The following ST6GAL1 variants were observed in gnomAD, a reference collection of about 807,000 sequenced individuals.
ST6GAL1 encodes beta-galactoside alpha-2,6-sialyltransferase 1.
ST6GAL1 carries 20 observed loss-of-function variants against 38.0 expected under a neutral mutation model. That is an observed-to-expected ratio of 0.53 (90% CI 0.37 to 0.77). ST6GAL1 has a LOEUF of 0.77. ST6GAL1 is among the 30% of genes least tolerant of loss of function. The probability of loss-of-function intolerance (pLI) is 0.00; values close to 1 mark genes in which losing one functional copy is unlikely to be tolerated. For missense variants in ST6GAL1, 432 were observed against 496.4 expected (o/e 0.87, Z 1.23); for synonymous variants, 196 against 188.2 (o/e 1.04, Z -0.34).
chr3:186,992,194 G>A (rs1716195494), intron 2 of ST6GAL1, among the ~76,000 whole-genome samples: 1 of 152,176 alleles, frequency 6.6e-6, no homozygotes, highest in Non-Finnish European at 1.5e-5. Context: ...GAGAGACCAG[G>A]TGGAGGGAAT....
intron 2 of ST6GAL1, chr3:186,996,440 G>C (rs2108549472): frequency 6.6e-6 from 1 of 152,314 alleles, no homozygotes; most frequent in East Asian, 1.9e-4. Context: ...AGTGTAGGTG[G>C]TTAGGAGTTG....
chr3:187,050,514 C>A (rs551987422), intron 4 of ST6GAL1, among the ~76,000 whole-genome samples: 93 of 141,952 alleles, frequency 6.6e-4, no homozygotes, highest in Non-Finnish European at 1.2e-3. Flanking sequence ...TACATTGTTT[C>A]TGACAATGGC....
intron 2 of ST6GAL1, among the ~76,000 whole-genome samples, chr3:187,033,385 GC>G (rs55985409): frequency 0.52 from 79,303 of 152,018 alleles, 24,278 homozygotes; most frequent in African/African-American, 0.86. Context: ...TTCTGCCTGG[GC>G]CGACAGAGAG....
At chr3:186,956,430 A>T (rs138294423) in intron 1 of ST6GAL1, among the ~76,000 whole-genome samples, 4 of 151,988 alleles carry the variant, frequency 2.6e-5, no homozygotes, top group Non-Finnish European at 5.9e-5. Flanking sequence ...GAACATGCTC[A>T]GTTTTAAGAC....
Position 187,042,718 on chromosome 3 carries a change from C to T in ST6GAL1, c.15C>T (p.Asn5=). ...ACATCTTCATTATGATTCACACCAA[C>T]CTGAAGAAAAAGTTCAGCTGCTGCG... MIHT[N]LKKKFSCCVL... The change falls in exon 4 of 8, where the codon AAC becomes AAT. Residue 5 remains asparagine (N), a synonymous_variant. Transcript: ENST00000169298. 1 of 1,610,872 alleles carries T rather than the reference C, an allele frequency of 6.2e-7. No homozygotes were observed. Among genetic ancestry groups the T allele is most frequent in the South Asian group, 1.1e-5 (1 of 90,612 alleles).
intron 4 of ST6GAL1, 60 bp from the exon 5 acceptor site, chr3:187,051,189 C>A: frequency 1.4e-6 from 2 of 1,450,628 alleles, no homozygotes; most frequent in Non-Finnish European, 1.9e-6. Context: ...TCTCGTCTTT[C>A]TCTTTTTCTG....
At chr3:187,074,074 C>T in intron 6 of ST6GAL1, 85 bp from the exon 7 acceptor site, 1 of 1,257,508 alleles carries the variant, frequency 8.0e-7, no homozygotes, top group South Asian at 1.7e-5. Context: ...TTCCCCTCCC[C>T]ATGTCCACTG....
Position 187,005,161 on chromosome 3 carries a change from C to T in ST6GAL1, c.-182-33581C>T, listed in dbSNP as rs1316019514. Among the ~76,000 whole-genome samples, 6 of 151,242 alleles carry T rather than the reference C, an allele frequency of 4.0e-5. No individual in the cohort carries two copies. In the South Asian group the frequency reaches 1.0e-3, roughly 26 times the overall value. On this transcript the variant is annotated intron_variant, in intron 2 of 7. Transcript: ENST00000169298. The stretch of plus-strand genomic sequence containing the variant: ...TTGTTTCAAAATCTAGGGATGTAGG[C>T]GTAAGTGGGGTATACACAAAACAGG...
chr3:186,964,603 AAGG>A (rs1262131820), intron 2 of ST6GAL1, among the ~76,000 whole-genome samples: 4 of 152,198 alleles, frequency 2.6e-5, no homozygotes, highest in African/African-American at 9.6e-5. Flanking sequence ...GGTGAGGCAG[AAGG>A]AGAACTTGTC....
chr3:187,044,040 C>T (rs1331116988), intron 4 of ST6GAL1, among the ~76,000 whole-genome samples: 1 of 152,100 alleles, frequency 6.6e-6, no homozygotes, highest in Admixed American at 6.5e-5. Context: ...TAAGTGTGTC[C>T]GTGCATTTTT....
intron 5 of ST6GAL1, 90 bp downstream of exon 5, chr3:187,051,436 C>A: frequency 8.3e-7 from 1 of 1,209,332 alleles, no homozygotes; most frequent in Non-Finnish European, 1.2e-6. Flanking sequence ...CATATCTAGG[C>A]TGCCAATTAA....
chr3:187,014,145 C>G (rs920823723), intron 2 of ST6GAL1, among the ~76,000 whole-genome samples: 2 of 152,220 alleles, frequency 1.3e-5, no homozygotes, highest in Non-Finnish European at 2.9e-5. Flanking sequence ...TCACTGCAGT[C>G]CTGTGAAGTA....
intron 5 of ST6GAL1, among the ~76,000 whole-genome samples, chr3:187,068,420 G>GTGTA (rs1185217583): frequency 4.6e-5 from 7 of 151,500 alleles, no homozygotes; most frequent in Admixed American, 2.0e-4. Context: ...CTTACTGACT[G>GTGTA]TGTAATTTGG....
Position 187,061,309 on chromosome 3 carries a change from T to C in ST6GAL1, c.705+9963T>C, listed in dbSNP as rs112689128. On this transcript the variant is annotated intron_variant, in intron 5 of 7. Coordinates refer to ENST00000169298, the MANE Select transcript of ST6GAL1 (RefSeq NM_173216.2). The stretch of plus-strand genomic sequence containing the variant: ...GATGTCAATAATACCGAATATGATA[T>C]GCAGATTTAATGCAATCGTTGTGAA... Among the ~76,000 whole-genome samples, 714 of 152,308 alleles carry C rather than the reference T, an allele frequency of 4.7e-3. 3 individuals are homozygous for C. Among genetic ancestry groups the C allele is most frequent in the African/African-American group, 0.017 (689 of 41,556 alleles).
At chr3:186,991,486 A>G (rs933177691) in intron 2 of ST6GAL1, among the ~76,000 whole-genome samples, 6 of 151,810 alleles carry the variant, frequency 4.0e-5, no homozygotes, top group African/African-American at 1.5e-4. Context: ...ATACTAAATG[A>G]CCTCTTATTT....
At chr3:187,045,944 C>T (rs187648187) in intron 4 of ST6GAL1, among the ~76,000 whole-genome samples, 42 of 152,160 alleles carry the variant, frequency 2.8e-4, no homozygotes, top group African/African-American at 9.9e-4. Flanking sequence ...GGGTGAGGAA[C>T]GAGGCCAGAA....
intron 5 of ST6GAL1, chr3:187,064,463 G>A (rs1388500879): frequency 8.8e-6 from 4 of 454,926 alleles, no homozygotes; most frequent in Non-Finnish European, 1.8e-5. Context: ...GGAAGAGTGT[G>A]CTCAGAAAAT....
At chr3:187,046,572 G>A (rs1272335523) in intron 4 of ST6GAL1, among the ~76,000 whole-genome samples, 5 of 152,006 alleles carry the variant, frequency 3.3e-5, no homozygotes, top group Non-Finnish European at 5.9e-5. Context: ...GTCAGAGACC[G>A]GCTAGAGGAG....
intron 7 of ST6GAL1, among the ~76,000 whole-genome samples, chr3:187,074,843 T>C (rs1453609977): frequency 6.6e-6 from 1 of 152,186 alleles, no homozygotes; most frequent in Non-Finnish European, 1.5e-5. Flanking sequence ...GTCATCAAGA[T>C]AAATAATATT....
Sources: gnomAD v4.1 joint callset for allele counts (sites outside exome capture counted in the v4.1 genomes callset) on GRCh38, gnomAD v4.1.1 for gene constraint, MANE v1.5 for transcripts, NCBI Gene and HGNC (gene_info 2026-07-23, HGNC 2026-07-21) for gene names.